The following CTDP1 variants were observed in gnomAD, a reference collection of about 807,000 sequenced individuals.
CTDP1 encodes CTD phosphatase 1.
Under a neutral mutation model 91.8 loss-of-function variants are expected in CTDP1, and 47 were observed. That is an observed-to-expected ratio of 0.51 (90% CI 0.41 to 0.65). The LOEUF (loss-of-function observed/expected upper bound fraction) is 0.65. Among genes scored for constraint, CTDP1 ranks in the 30% least tolerant of loss-of-function variants. CTDP1 has a pLI of 0.00. For synonymous variants in CTDP1, 656 were observed against 598.5 expected (o/e 1.10, Z -1.40); for missense variants, 1,272 against 1,373.7 (o/e 0.93, Z 1.17).
intron 12 of CTDP1, among the ~76,000 whole-genome samples, chr18:79,750,642 C>T (rs1226556043): frequency 6.6e-6 from 1 of 150,780 alleles, no homozygotes; most frequent in Non-Finnish European, 1.5e-5. Flanking sequence ...TACAGGTGCC[C>T]ACCACCACAC....
intron 11 of CTDP1, among the ~76,000 whole-genome samples, chr18:79,730,069 G>T (rs191028702): frequency 3.9e-5 from 6 of 152,188 alleles, no homozygotes; most frequent in African/African-American, 1.4e-4. Context: ...GGACAGACTC[G>T]TCTCAGTAAC....
Position 79,714,902 on chromosome 18 carries a change from A to G in CTDP1, c.1442A>G (p.Lys481Arg), listed in dbSNP as rs1277149043. Residue 481 changes from lysine (K) to arginine (R), a missense_variant, in exon 8 of 13, where the codon AAA (lysine) becomes AGA (arginine). Physicochemically the swap from Lys to Arg is conservative, Grantham distance 26. Coordinates refer to ENST00000613122, the MANE Select transcript of CTDP1 (RefSeq NM_004715.5). ...GCCTCTGATGGCGAAAGCGAGGGGA[A>G]AAGAGGCCGGCAGAAGCCGAAGGCT... is the stretch of plus-strand genomic sequence containing the variant. ...SSASDGESEG[K>R]RGRQKPKAAP... The G allele has an allele frequency of 1.5e-5, 24 of 1,570,950 alleles. No individual in the cohort carries two copies. Among genetic ancestry groups the G allele is most frequent in the Non-Finnish European group, 1.9e-5 (22 of 1,158,356 alleles).
intron 10 of CTDP1, among the ~76,000 whole-genome samples, chr18:79,728,532 T>C (rs2086497622): frequency 6.6e-6 from 1 of 152,198 alleles, no homozygotes; most frequent in Non-Finnish European, 1.5e-5. Flanking sequence ...GGACCCTATT[T>C]TGAGGGTGAA....
chr18:79,698,057 G>A lies in CTDP1; in HGVS notation c.621+69G>A, dbSNP rs562565670. 111 of 1,590,512 alleles carry A rather than the reference G, an allele frequency of 7.0e-5. No homozygotes were observed. In the East Asian group the frequency reaches 2.4e-3, roughly 35 times the overall value. ...GGTCCTAGAATTTTGATTCAGAAGTGTGTTCTCTTGTTTTTTAGATGATTT... is the reference window on the plus strand; with the variant it reads ...GGTCCTAGAATTTTGATTCAGAAGTATGTTCTCTTGTTTTTTAGATGATTT... On this transcript the variant is annotated intron_variant, in intron 4 of 12. Coordinates refer to ENST00000613122, the MANE Select transcript of CTDP1 (RefSeq NM_004715.5).
chr18:79,681,128 G>C (rs916396798), intron 1 of CTDP1, among the ~76,000 whole-genome samples: 2 of 152,202 alleles, frequency 1.3e-5, no homozygotes, highest in African/African-American at 4.8e-5. Flanking sequence ...TCGTCCCTTT[G>C]GCTTGCCCTG....
Position 79,718,078 on chromosome 18 carries a change from T to C in CTDP1, c.2417+62T>C, listed in dbSNP as rs967950329. 36 of 1,585,232 alleles carry C rather than the reference T, an allele frequency of 2.3e-5. 1 individual carries two copies. The South Asian group carries it at 3.6e-4, about 16-fold the overall frequency. On this transcript the variant is annotated intron_variant, in intron 10 of 12. Coordinates refer to ENST00000613122, the MANE Select transcript of CTDP1 (RefSeq NM_004715.5). ...GGGCTCTTCAAGCTTGCTGCTCCAG[T>C]CTGTTGGGGGGATGGCGTCAGTTGC...
chr18:79,708,240 C>A (rs2086008194), intron 5 of CTDP1, among the ~76,000 whole-genome samples: 1 of 152,198 alleles, frequency 6.6e-6, no homozygotes, highest in African/African-American at 2.4e-5. Flanking sequence ...TGCCGTGGGG[C>A]TGCAGGGTAA....
At chr18:79,753,082 G>A (rs1024966265) in intron 12 of CTDP1, among the ~76,000 whole-genome samples, 24 of 144,950 alleles carry the variant, frequency 1.7e-4, no homozygotes, top group Non-Finnish European at 2.7e-4. Context: ...TAGTGGCACC[G>A]GCTGGTTATG....
intron 11 of CTDP1, among the ~76,000 whole-genome samples, chr18:79,730,775 C>T (rs1276018211): frequency 2.6e-5 from 4 of 152,112 alleles, no homozygotes; most frequent in Admixed American, 6.5e-5. Context: ...GCCAAGGACC[C>T]GAGGCCTCTG....
chr18:79,688,411 C>G (rs2085552009), intron 1 of CTDP1, among the ~76,000 whole-genome samples: 1 of 152,164 alleles, frequency 6.6e-6, no homozygotes, highest in Admixed American at 6.5e-5. Flanking sequence ...ATTACAGGTG[C>G]CCACCACCAT....
At chr18:79,678,843 G>C (rs968493462), upstream of CTDP1, 1 of 156,532 alleles carries the variant, frequency 6.4e-6, no homozygotes, top group African/African-American at 2.4e-5. Flanking sequence ...GCCTGGCTAA[G>C]TATTAATGAA....
At chr18:79,695,408 G>A (rs1048051698) in intron 2 of CTDP1, 100 bp downstream of exon 2, 6 of 1,081,476 alleles carry the variant, frequency 5.5e-6, no homozygotes, top group Non-Finnish European at 8.5e-6. Flanking sequence ...GAGGCCCTTG[G>A]TTTCCCAGCG....
intron 1 of CTDP1, among the ~76,000 whole-genome samples, chr18:79,693,160 G>GT (rs2085659102): frequency 6.6e-6 from 1 of 152,248 alleles, no homozygotes; most frequent in African/African-American, 2.4e-5. Flanking sequence ...GGGAGCAGGT[G>GT]TCCCTGAGGC....
upstream of CTDP1, chr18:79,679,274 G>A (rs1006821335): frequency 5.1e-6 from 2 of 390,304 alleles, no homozygotes; most frequent in East Asian, 7.4e-5. Context: ...AAGCTCCCGC[G>A]GCGTGGGGTC....
chr18:79,737,711 G>A (rs186295358), intron 12 of CTDP1, among the ~76,000 whole-genome samples: 48 of 152,280 alleles, frequency 3.2e-4, no homozygotes, highest in African/African-American at 1.1e-3. Flanking sequence ...CTGCCGTGCC[G>A]TTAGGCATTT....
chr18:79,684,762 G>A (rs1443560516), intron 1 of CTDP1, among the ~76,000 whole-genome samples: 1 of 152,230 alleles, frequency 6.6e-6, no homozygotes, highest in Non-Finnish European at 1.5e-5. Flanking sequence ...AGTTACAATA[G>A]TCACTAGATT....
chr18:79,747,000 G>A (rs977123843), intron 12 of CTDP1, among the ~76,000 whole-genome samples: 3 of 152,208 alleles, frequency 2.0e-5, no homozygotes, highest in African/African-American at 7.2e-5. Context: ...CGCGTGACTT[G>A]ACCGTGTGCT....
chr18:79,752,028 G>A (rs543517091), intron 12 of CTDP1, among the ~76,000 whole-genome samples: 2 of 152,322 alleles, frequency 1.3e-5, no homozygotes, highest in East Asian at 3.9e-4. Context: ...GAGGTTCCTT[G>A]GCGCAGTGGG....
rs557046639 is a variant in CTDP1 at position 79,728,107 on chromosome 18, A to AT, written c.2418-790dup. Among the ~76,000 whole-genome samples the AT allele has an allele frequency of 4.7e-5, 7 of 149,854 alleles. No individual in the cohort carries two copies. In the East Asian group the frequency reaches 5.9e-4, roughly 13 times the overall value. ...TTTACCTTTTTCTGTTTTTTCGTGAATTTTTTTTTTAAGGTGGAGTCTTGC... is the reference window on the plus strand; with the variant it reads ...TTTACCTTTTTCTGTTTTTTCGTGAATTTTTTTTTTTAAGGTGGAGTCTTGC... On this transcript the variant is annotated intron_variant, in intron 10 of 12. Coordinates refer to ENST00000613122, the MANE Select transcript of CTDP1 (RefSeq NM_004715.5).
Sources: gnomAD v4.1 joint callset for allele counts (sites outside exome capture counted in the v4.1 genomes callset) on GRCh38, gnomAD v4.1.1 for gene constraint, MANE v1.5 for transcripts, NCBI Gene and HGNC (gene_info 2026-07-23, HGNC 2026-07-21) for gene names.